The following FBP1 variants were observed in gnomAD, a reference collection of about 807,000 sequenced individuals.
The protein encoded by FBP1 is fructose-bisphosphatase 1, also known as fructose-1,6-bisphosphatase 1.
A neutral mutation model predicts 29.9 loss-of-function variants in FBP1; 22 were observed. The ratio of observed to expected loss-of-function variants is 0.74; its 90% CI spans 0.53 to 1.05. FBP1 has a LOEUF of 1.05. Among genes scored for constraint, FBP1 ranks in the 50% least tolerant of loss-of-function variants. The probability of loss-of-function intolerance (pLI) is 0.00; values close to 1 mark genes in which losing one functional copy is unlikely to be tolerated. For missense variants in FBP1, 345 were observed against 448.2 expected, an observed-to-expected ratio of 0.77 and a Z score of 2.08; for synonymous variants, 175 against 178.6, an observed-to-expected ratio of 0.98 and a Z score of 0.16.
At chr9:94,604,224 C>T (rs1173598181) in intron 6 of FBP1, among the ~76,000 whole-genome samples, 1 of 108,854 alleles carries the variant, frequency 9.2e-6, no homozygotes, top group African/African-American at 3.9e-5. Context: ...GGTGTCATGG[C>T]TAGTTTTGAA....
chr9:94,624,914 C>G (rs374787505), intron 1 of FBP1, among the ~76,000 whole-genome samples: 1 of 151,922 alleles, frequency 6.6e-6, no homozygotes, highest in East Asian at 2.0e-4. Context: ...GAGAGGAGAC[C>G]GGAGGGAGAA....
intron 1 of FBP1, among the ~76,000 whole-genome samples, chr9:94,624,908 G>A (rs1828001041): frequency 2.0e-5 from 3 of 152,062 alleles, no homozygotes; most frequent in Non-Finnish European, 4.4e-5. Context: ...TTCAGAGAGA[G>A]GAGACCGGAG....
At chr9:94,616,438 T>C (rs1206416894) in intron 3 of FBP1, among the ~76,000 whole-genome samples, 4 of 150,982 alleles carry the variant, frequency 2.6e-5, no homozygotes, top group Admixed American at 2.0e-4. Flanking sequence ...TAAAACTATA[T>C]ATATATATAC....
chr9:94,613,355 T>C (rs1827813053), intron 3 of FBP1, among the ~76,000 whole-genome samples: 1 of 152,218 alleles, frequency 6.6e-6, no homozygotes, highest in South Asian at 2.1e-4. Context: ...CTTATTTTCT[T>C]ATGCTCTAAA....
At chr9:94,608,732 G>T (rs1587854376) in intron 4 of FBP1, among the ~76,000 whole-genome samples, 1 of 152,242 alleles carries the variant, frequency 6.6e-6, no homozygotes, top group South Asian at 2.1e-4. Context: ...GACAGCCTGG[G>T]ACAAAGGCAG....
chr9:94,604,788 C>T (rs1322096688), intron 6 of FBP1, among the ~76,000 whole-genome samples: 1 of 152,088 alleles, frequency 6.6e-6, no homozygotes. Context: ...GCCTAAAAAG[C>T]CATCTGTCCA....
intron 1 of FBP1, among the ~76,000 whole-genome samples, chr9:94,625,774 G>A (rs949179431): frequency 6.6e-6 from 1 of 151,790 alleles, no homozygotes. Flanking sequence ...CAGCCTGGGC[G>A]ACAGAGCGAG....
At chr9:94,615,404 G>A (rs1563982403) in intron 3 of FBP1, among the ~76,000 whole-genome samples, 1 of 152,022 alleles carries the variant, frequency 6.6e-6, no homozygotes, top group African/African-American at 2.4e-5. Flanking sequence ...GGACTGAGAT[G>A]GAGAATGGGC....
intron 3 of FBP1, among the ~76,000 whole-genome samples, chr9:94,615,830 CTTTTT>C (rs5741695): frequency 7.1e-6 from 1 of 140,504 alleles, no homozygotes; most frequent in Admixed American, 7.2e-5. Flanking sequence ...GGTCTCAGTT[CTTTTT>C]TTTTTTTTTT....
intron 1 of FBP1, among the ~76,000 whole-genome samples, chr9:94,623,540 G>A (rs1181299495): frequency 9.8e-5 from 15 of 152,334 alleles, no homozygotes; most frequent in African/African-American, 2.2e-4. Flanking sequence ...TCGGGGGGCC[G>A]GGAGGGCTGG....
At chr9:94,616,283 G>A (rs1827860855) in intron 3 of FBP1, among the ~76,000 whole-genome samples, 1 of 151,954 alleles carries the variant, frequency 6.6e-6, no homozygotes, top group Non-Finnish European at 1.5e-5. Context: ...CTTAGAAGGG[G>A]GTGATGGGAG....
chr9:94,628,180 A>T (rs1828051279), intron 1 of FBP1, among the ~76,000 whole-genome samples: 1 of 152,232 alleles, frequency 6.6e-6, no homozygotes, highest in Non-Finnish European at 1.5e-5. Context: ...TGAGGACAGG[A>T]GTTCGAGACC....
chr9:94,619,425 T>C (rs1163798669), intron 2 of FBP1, among the ~76,000 whole-genome samples: 1 of 152,160 alleles, frequency 6.6e-6, no homozygotes, highest in Admixed American at 6.5e-5. Flanking sequence ...AGTTTTTTTT[T>C]CTAATTACAA....
At chr9:94,609,498 C>G (rs2993958) in intron 4 of FBP1, among the ~76,000 whole-genome samples, 55,838 of 152,024 alleles carry the variant, frequency 0.37, 10,497 homozygotes, top group East Asian at 0.54. Context: ...GTTTCTTGAA[C>G]CATTAATAGA....
At chr9:94,620,783 G>A (rs1651069853) in intron 1 of FBP1, among the ~76,000 whole-genome samples, 1 of 152,192 alleles carries the variant, frequency 6.6e-6, no homozygotes, top group South Asian at 2.1e-4. Context: ...GACTAGGGGA[G>A]GGAGAGCATT....
At position 94,606,873 on chromosome 9, in the gene FBP1, T is replaced by C. The variant is rs1448683844; in HGVS notation, c.647A>G (p.Tyr216Cys). The change falls in exon 5 of 7, where the codon TAC becomes TGC. Residue 216 changes from tyrosine (Y) to cysteine (C), a missense_variant. Physicochemically the swap from Tyr to Cys is radical, Grantham distance 194. Coordinates refer to ENST00000375326, the MANE Select transcript of FBP1 (RefSeq NM_000507.4). ...GACGGCAGGGTCAAAGTCCCTGGCGTAGCCCTCGTTAAGGCTGTAGATTTT... is the reference window on the plus strand; with the variant it reads ...GACGGCAGGGTCAAAGTCCCTGGCGCAGCCCTCGTTAAGGCTGTAGATTTT... ...KGKIYSLNEG[Y>C]ARDFDPAVTE... 13 of 1,613,926 alleles carry C rather than the reference T, an allele frequency of 8.1e-6. No individual in the cohort carries two copies. The highest frequency in any genetic ancestry group is 1.1e-5 in the Non-Finnish European group (13 of 1,179,808).
At chr9:94,619,479 C>G (rs1824635245) in intron 2 of FBP1, among the ~76,000 whole-genome samples, 1 of 152,060 alleles carries the variant, frequency 6.6e-6, no homozygotes, top group Non-Finnish European at 1.5e-5. Flanking sequence ...ATTTAACAAT[C>G]TTTTTCAACA....
intron 3 of FBP1, 148 bp from the exon 4 acceptor site, chr9:94,610,209 T>C (rs1554680256): frequency 1.7e-5 from 13 of 771,768 alleles, no homozygotes; most frequent in Non-Finnish European, 2.6e-5. Context: ...ACATCAGCAA[T>C]ATCCTGATTA....
At position 94,639,484 on chromosome 9, in the gene FBP1, G is replaced by A; in HGVS notation, c.-174C>T. ...GGACTGACAGACCGACTGCCGCCCCGAGTGTCCGCAGCGCTCGTGGTGCAA... is the reference window on the plus strand; with the variant it reads ...GGACTGACAGACCGACTGCCGCCCCAAGTGTCCGCAGCGCTCGTGGTGCAA... On this transcript the variant is annotated 5_prime_UTR_variant, in exon 1 of 7. Coordinates refer to ENST00000375326, the MANE Select transcript of FBP1 (RefSeq NM_000507.4). The A allele has an allele frequency of 2.7e-6, 2 of 727,278 alleles. No homozygotes were observed. Among genetic ancestry groups the A allele is most frequent in the Admixed American group, 2.2e-5 (1 of 45,884 alleles). 45.1% of individuals were successfully genotyped at this position (727,278 alleles called of 1,614,324 possible). A position where few individuals can be genotyped will look rare whatever the true frequency, so the allele number is the denominator to read the frequency against.
Sources: allele counts gnomAD v4.1 joint callset (sites outside exome capture counted in the v4.1 genomes callset), GRCh38; gene constraint gnomAD v4.1.1; transcripts MANE v1.5; gene names NCBI Gene and HGNC (gene_info 2026-07-23, HGNC 2026-07-21).